The following TIAM2 variants were observed in gnomAD, a reference collection of about 807,000 sequenced individuals.
TIAM2 encodes rho guanine nucleotide exchange factor TIAM2.
In TIAM2, 80 loss-of-function variants were observed where a neutral mutation model predicts 152.9. The observed-to-expected ratio is 0.52, with a 90% CI of 0.44 to 0.63. The LOEUF is 0.63. TIAM2 is among the 30% of genes least tolerant of loss of function. The pLI is 0.00. For missense variants in TIAM2, 1,965 were observed against 2,120.1 expected (o/e 0.93, Z 1.44); for synonymous variants, 804 against 838.0 (o/e 0.96, Z 0.70).
chr6:155,087,696 C>T (rs1778202933), intron 1 of TIAM2, among the ~76,000 whole-genome samples: 1 of 152,044 alleles, frequency 6.6e-6, no homozygotes, highest in Non-Finnish European at 1.5e-5. Flanking sequence ...TTGCAGTGAG[C>T]TGAGATCGCG....
intron 15 of TIAM2, among the ~76,000 whole-genome samples, chr6:155,228,589 C>T (rs1455456075): frequency 5.3e-5 from 8 of 152,072 alleles, no homozygotes; most frequent in African/African-American, 1.7e-4. Flanking sequence ...GCAGAGGAGG[C>T]ATACATTAGA....
chr6:155,077,870 A>G (rs545367969), intron 1 of TIAM2, among the ~76,000 whole-genome samples: 42 of 152,310 alleles, frequency 2.8e-4, no homozygotes, highest in African/African-American at 9.1e-4. Context: ...TCACTGGCCT[A>G]TTGATTCATG....
chr6:155,187,573 C>CCTCTTTTTTTTTTTTT (rs1189509294), intron 14 of TIAM2, among the ~76,000 whole-genome samples: 1 of 49,614 alleles, frequency 2.0e-5, no homozygotes, highest in African/African-American at 7.9e-5. Flanking sequence ...ACCCCGCCCC[C>CCTCTTTTTTTTTTTTT]TTTTTTTTTT....
At chr6:155,076,766 GCTCACT>G (rs1251227980) in intron 1 of TIAM2, among the ~76,000 whole-genome samples, 7 of 152,144 alleles carry the variant, frequency 4.6e-5, no homozygotes, top group Non-Finnish European at 8.8e-5. Flanking sequence ...CGTGATTGTG[GCTCACT>G]GCAACCTCCA....
At chr6:155,057,013 C>CTTT (rs1193342447) in intron 1 of TIAM2, among the ~76,000 whole-genome samples, 2 of 40,422 alleles carry the variant, frequency 4.9e-5, no homozygotes, top group African/African-American at 1.6e-4. Context: ...CCTCAGTTTT[C>CTTT]TTTCTTTTTT....
intron 2 of TIAM2, among the ~76,000 whole-genome samples, chr6:155,117,616 T>C (rs139463396): frequency 1.1e-3 from 173 of 152,292 alleles, no homozygotes; most frequent in African/African-American, 4.0e-3. Flanking sequence ...CTAATTTTTG[T>C]ATTTATAGTA....
At chr6:155,242,301 C>T (rs9383746) in intron 16 of TIAM2, among the ~76,000 whole-genome samples, 19,439 of 152,270 alleles carry the variant, frequency 0.13, 1,538 homozygotes, top group Non-Finnish European at 0.19. Flanking sequence ...CACACACCAC[C>T]GTTTCTTCAT....
In TIAM2 at chr6:155,218,331, G is replaced by C. The variant is rs776230086; in HGVS notation, c.3168+7024G>C. On this transcript the variant is annotated intron_variant, in intron 15 of 26. Coordinates refer to ENST00000682666, the MANE Select transcript of TIAM2 (RefSeq NM_012454.4). The surrounding 1 kb of genome is among the most constrained non-coding windows in gnomAD (Gnocchi z 4.5). ...CTGAAAAATGGTTTGGGGTGTGGCA[G>C]TCTCCAGCAGGAAGACAATAATCTG... is the stretch of plus-strand genomic sequence containing the variant. Among the ~76,000 whole-genome samples, 42 of 152,228 alleles carry C rather than the reference G, an allele frequency of 2.8e-4. 1 individual carries two copies. The highest frequency in any genetic ancestry group is 8.9e-4 in the African/African-American group (37 of 41,456).
chr6:155,220,924 C>A (rs753981689), intron 15 of TIAM2, among the ~76,000 whole-genome samples: 3 of 152,082 alleles, frequency 2.0e-5, no homozygotes, highest in Non-Finnish European at 4.4e-5. Flanking sequence ...TAGCTCCCCA[C>A]CTCCACTACA....
intron 6 of TIAM2, among the ~76,000 whole-genome samples, chr6:155,147,626 C>T (rs891053762): frequency 6.6e-6 from 1 of 152,198 alleles, no homozygotes; most frequent in African/African-American, 2.4e-5. Context: ...GCTGGGCTTA[C>T]AGGCATGCGC....
At position 155,218,041 on chromosome 6, in the gene TIAM2, A is replaced by G. The variant is rs1028816490; in HGVS notation, c.3168+6734A>G. Among the ~76,000 whole-genome samples, 5 of 152,200 alleles carry G rather than the reference A, an allele frequency of 3.3e-5. No individual in the cohort carries two copies. The highest frequency in any genetic ancestry group is 7.3e-5 in the Non-Finnish European group (5 of 68,040). ...TGGACCACATGATTTGCTTTCCAGC[A>G]TTCTTGGAGTTTTCGTCTTCCTTTG... On this transcript the variant is annotated intron_variant, in intron 15 of 26. Coordinates refer to ENST00000682666, the MANE Select transcript of TIAM2 (RefSeq NM_012454.4). This position sits in a 1 kb window ranked among gnomAD's most constrained non-coding sequence, Gnocchi z 4.5.
At chr6:155,031,678 C>T (rs1204212015) in intron 1 of TIAM2, among the ~76,000 whole-genome samples, 1 of 152,120 alleles carries the variant, frequency 6.6e-6, no homozygotes, top group African/African-American at 2.4e-5. Context: ...GAGGTGAGAT[C>T]ACACCATTGC....
intron 9 of TIAM2, among the ~76,000 whole-genome samples, chr6:155,167,506 G>A (rs1780473956): frequency 6.6e-6 from 1 of 152,208 alleles, no homozygotes; most frequent in Non-Finnish European, 1.5e-5. Flanking sequence ...ACAGGTGTGA[G>A]CCACTGTGAC....
intron 7 of TIAM2, among the ~76,000 whole-genome samples, chr6:155,158,568 T>G (rs1314296498): frequency 6.6e-6 from 1 of 152,096 alleles, no homozygotes; most frequent in Non-Finnish European, 1.5e-5. Flanking sequence ...TACTTTTTTT[T>G]TTTTGACAGG....
At chr6:155,151,826 A>T (rs1379603346) in intron 7 of TIAM2, among the ~76,000 whole-genome samples, 11 of 96,398 alleles carry the variant, frequency 1.1e-4, no homozygotes, top group Non-Finnish European at 2.4e-4. Context: ...ATTCTATAGA[A>T]TCTTTTTTTT....
intron 15 of TIAM2, among the ~76,000 whole-genome samples, chr6:155,230,836 C>CT (rs11403366): frequency 0.26 from 36,269 of 140,960 alleles, 5,372 homozygotes; most frequent in East Asian, 0.54. Flanking sequence ...GGCAGAGCTA[C>CT]TTTTTTTTTT....
In TIAM2 at chr6:155,169,183, C is replaced by G. The variant is rs565617092; in HGVS notation, c.2361+3774C>G. Among the ~76,000 whole-genome samples, 301 of 152,096 alleles carry G rather than the reference C, an allele frequency of 2.0e-3. 1 individual carries two copies. The highest frequency in any genetic ancestry group is 6.8e-3 in the African/African-American group (284 of 41,494). ...GCTAATTTTTTGTGTTTTTAGTAGA[C>G]ATGGGGTTTCACCGTGTTAGCCACG... On this transcript the variant is annotated intron_variant, in intron 9 of 26. Transcript: ENST00000682666.
Position 155,256,764 on chromosome 6 carries a change from C to A in TIAM2, c.4749C>A (p.Ser1583Arg). The change falls in exon 27 of 27, where the codon AGC becomes AGA. Residue 1583 changes from serine (S) to arginine (R), a missense_variant. This residue lies in a region of TIAM2 where 935 missense variants were observed against 980.0 expected (regional missense o/e 0.95). Transcript: ENST00000682666. ...DDHRQTVKQG[S>R]PTKDIEIQFQ... is the part of the protein sequence containing the mutation. ...ACCGTCAGACTGTGAAGCAGGGCAG[C>A]CCTACTAAAGACATCGAAATTCAGT... 6.2e-7 allele frequency: 1 copy of A among 1,614,218 alleles called. No individual in the cohort carries two copies. Among genetic ancestry groups the A allele is most frequent in the Non-Finnish European group, 8.5e-7 (1 of 1,180,042 alleles).
At chr6:155,013,976 A>G (rs973717325) in intron 1 of TIAM2, 7 of 147,196 alleles carry the variant, frequency 4.8e-5, no homozygotes, top group Admixed American at 4.7e-4. Flanking sequence ...AGATCATTGT[A>G]TTTTTGTGTC....
Sources: gnomAD v4.1 joint callset for allele counts (sites outside exome capture counted in the v4.1 genomes callset) on GRCh38, gnomAD v4.1.1 for gene constraint, gnomAD v4.1.1 regional missense constraint, Gnocchi (gnomAD v3.1) non-coding constraint, MANE v1.5 for transcripts, NCBI Gene and HGNC (gene_info 2026-07-23, HGNC 2026-07-21) for gene names.